Variants in PCDHA13 observed in about 807,000 individuals in gnomAD.
PCDHA13 encodes the protein protocadherin alpha 13.
PCDHA13 carries 54 observed loss-of-function variants against 64.8 expected under a neutral mutation model. The observed-to-expected ratio is 0.83, with a 90% CI of 0.67 to 1.04. PCDHA13 has a LOEUF of 1.04. Ranked by LOEUF, PCDHA13 falls within the 50% of genes least tolerant of loss-of-function variation. PCDHA13 has a pLI of 0.00. For missense variants in PCDHA13, 1,248 were observed against 1,254.3 expected (o/e 0.99, Z 0.08); for synonymous variants, 587 against 564.4 (o/e 1.04, Z -0.57).
In PCDHA13 at chr5:140,923,298, C is replaced by T. The variant is rs1039610789; in HGVS notation, c.2394+38636C>T. ...TACAAAAAATTAAAAATTAGCTGGG[C>T]GTGGGGGCGCTTGGCCTAGAAGTTC... On this transcript the variant is annotated intron_variant, in intron 1 of 3. Transcript: ENST00000289272. Among the ~76,000 whole-genome samples, 28 of 152,160 alleles carry T rather than the reference C, an allele frequency of 1.8e-4. 1 individual carries two copies. The highest frequency in any genetic ancestry group is 4.8e-4 in the African/African-American group (20 of 41,504).
In PCDHA13 at chr5:140,941,217, T is replaced by TTC. The variant is rs1483555953; in HGVS notation, c.2395-37730_2395-37729dup. Among the ~76,000 whole-genome samples, 308 of 126,180 alleles carry TTC rather than the reference T, an allele frequency of 2.4e-3. 1 individual carries two copies. Among genetic ancestry groups the TTC allele is most frequent in the African/African-American group, 9.4e-3 (294 of 31,220 alleles). The allele number at this position is 126,180 out of a possible 152,430, so 82.8% of individuals were successfully genotyped here. On this transcript the variant is annotated intron_variant, in intron 1 of 3. Coordinates refer to ENST00000289272, the MANE Select transcript of PCDHA13 (RefSeq NM_018904.3). ...TTTCTTTCTTCCTTTCTTTCTTCCT[T>TTC]TCTTTCTTTCTTTCTTTCTTTCTTT...
At position 141,011,477 on chromosome 5, in the gene PCDHA13, T is replaced by C. The variant is rs1256394490; in HGVS notation, c.*1540T>C. 2 of 153,818 alleles carry C rather than the reference T, an allele frequency of 1.3e-5. No homozygotes were observed. Among genetic ancestry groups the C allele is most frequent in the Non-Finnish European group, 2.9e-5 (2 of 68,052 alleles). The allele number at this position is 153,818 out of a possible 1,614,324, so 9.5% of individuals were successfully genotyped here. ...TTTATTGTTGAATGTAATTCCATTA[T>C]ATTTCCTTTTGTACACCTGTGAAAA... On this transcript the variant is annotated 3_prime_UTR_variant, in exon 4 of 4. Transcript: ENST00000289272.
chr5:140,887,954 T>A (rs2061642378), intron 1 of PCDHA13, among the ~76,000 whole-genome samples: 1 of 152,240 alleles, frequency 6.6e-6, no homozygotes, highest in South Asian at 2.1e-4. Context: ...TGTATAAGAT[T>A]CTTTTTGTCT....
chr5:140,976,374 A>G (rs1163913998), intron 1 of PCDHA13, among the ~76,000 whole-genome samples: 2 of 152,040 alleles, frequency 1.3e-5, no homozygotes, highest in Non-Finnish European at 2.9e-5. Context: ...AACATGGTGA[A>G]ACCCCATCTC....
chr5:140,966,854 C>T (rs1554228784), intron 1 of PCDHA13: 2 of 1,573,744 alleles, frequency 1.3e-6, no homozygotes, highest in Admixed American at 1.8e-5. Context: ...GCCTCTCCTG[C>T]TGCTGTTGCT....
intron 1 of PCDHA13, among the ~76,000 whole-genome samples, chr5:140,913,649 T>A (rs1284685382): frequency 1.3e-5 from 2 of 152,166 alleles, no homozygotes; most frequent in Non-Finnish European, 2.9e-5. Flanking sequence ...TTTCTAGTTC[T>A]TTAAGATGTA....
Position 140,883,724 on chromosome 5 carries a change from G to T in PCDHA13, c.1456G>T (p.Glu486Ter), listed in dbSNP as rs1174982763. The change falls in exon 1 of 4, where the codon GAG becomes TAG. Residue 486 changes from glutamate to a stop codon, truncating the protein, a stop_gained. Transcript: ENST00000289272. LOFTEE classifies it high-confidence loss of function. ...TVSAQDADAQENALVSYSLVE... is the reference protein window; with the variant it reads ...TVSAQDADAQ The stretch of plus-strand genomic sequence containing the variant: ...GTCTGCTCAGGACGCGGACGCACAG[G>T]AGAACGCGCTGGTCTCCTACTCGCT... 1.2e-6 allele frequency: 2 copies of T among 1,613,492 alleles called. No individual in the cohort carries two copies. Among genetic ancestry groups the T allele is most frequent in the Non-Finnish European group, 1.7e-6 (2 of 1,179,860 alleles).
chr5:140,884,355 T>A lies in PCDHA13; in HGVS notation c.2087T>A (p.Val696Asp), dbSNP rs1562803326. Reference sequence around the variant, plus strand: ...GGTCCAGAAGCGGCGCTGGTGGATGTCAATGTTTACTTGATCATTGCCATC... The same window carrying A: ...GGTCCAGAAGCGGCGCTGGTGGATGACAATGTTTACTTGATCATTGCCATC... ...AVGPEAALVD[V>D]NVYLIIAICA... Residue 696 changes from valine to aspartate, a missense_variant, in exon 1 of 4, where the codon GTC becomes GAC. Physicochemically the swap from Val to Asp is radical, Grantham distance 152. Transcript: ENST00000289272. 3 of 1,613,922 alleles carry A rather than the reference T, an allele frequency of 1.9e-6. No individual in the cohort carries two copies. The highest frequency in any genetic ancestry group is 2.2e-5 in the East Asian group (1 of 44,870).
intron 1 of PCDHA13, chr5:140,928,983 G>T: frequency 6.2e-7 from 1 of 1,613,838 alleles, no homozygotes; most frequent in Non-Finnish European, 8.5e-7. Flanking sequence ...TATTTCTGGG[G>T]TGCTTACTTT....
intron 1 of PCDHA13, among the ~76,000 whole-genome samples, chr5:140,938,387 A>G (rs2092042874): frequency 6.6e-6 from 1 of 152,220 alleles, no homozygotes. Flanking sequence ...AATATTTAAT[A>G]TGAAATACAT....
At chr5:140,934,899 T>G (rs1320708660) in intron 1 of PCDHA13, among the ~76,000 whole-genome samples, 2 of 152,184 alleles carry the variant, frequency 1.3e-5, no homozygotes, top group Non-Finnish European at 2.9e-5. Flanking sequence ...AACCTTTTAT[T>G]TTGGAATAAT....
chr5:140,928,100 T>C (rs1458420006), intron 1 of PCDHA13: 1 of 1,614,090 alleles, frequency 6.2e-7, no homozygotes, highest in African/African-American at 1.3e-5. Context: ...GATGGGCCCC[T>C]GGACCGGGAG....
At chr5:140,966,851 C>T (rs782524148) in intron 1 of PCDHA13, 15 of 1,573,232 alleles carry the variant, frequency 9.5e-6, no homozygotes, top group Middle Eastern at 1.7e-4. Context: ...ACTGCCTCTC[C>T]TGCTGCTGTT....
chr5:140,953,267 C>G (rs902465304), intron 1 of PCDHA13, among the ~76,000 whole-genome samples: 4 of 152,068 alleles, frequency 2.6e-5, no homozygotes, highest in African/African-American at 4.8e-5. Flanking sequence ...TTAGCTTTAG[C>G]CTTTGCTCTT....
chr5:140,973,850 T>G (rs767532771), intron 1 of PCDHA13, among the ~76,000 whole-genome samples: 25 of 152,176 alleles, frequency 1.6e-4, no homozygotes, highest in Admixed American at 5.2e-4. Flanking sequence ...TGCCTACCAA[T>G]TTTTGCTCTC....
At chr5:140,927,524 C>T in intron 1 of PCDHA13, 3 of 1,614,104 alleles carry the variant, frequency 1.9e-6, no homozygotes, top group Non-Finnish European at 2.5e-6. Flanking sequence ...GGCGGGCTAC[C>T]TGCCCGCTCA....
At position 140,884,258 on chromosome 5, in the gene PCDHA13, A is replaced by G. The variant is rs782780491; in HGVS notation, c.1990A>G (p.Thr664Ala). 1 of 1,613,390 alleles carries G rather than the reference A, an allele frequency of 6.2e-7. No individual in the cohort carries two copies. Among genetic ancestry groups the G allele is most frequent in the South Asian group, 1.1e-5 (1 of 91,044 alleles). The change falls in exon 1 of 4, where the codon ACG (threonine) becomes GCG (alanine). Residue 664 changes from threonine (T) to alanine (A), a missense_variant. Coordinates refer to ENST00000289272, the MANE Select transcript of PCDHA13 (RefSeq NM_018904.3). ...HGEPALTATA[T>A]VLLSLVESGQ... ...TGAGCCCGCGCTGACGGCCACGGCA[A>G]CGGTGCTGTTGTCGCTGGTGGAGAG...
chr5:140,961,445 C>T (rs772072156), intron 1 of PCDHA13, among the ~76,000 whole-genome samples: 1 of 152,214 alleles, frequency 6.6e-6, no homozygotes, highest in South Asian at 2.1e-4. Context: ...CCTAACTACA[C>T]TGTCTTGCAG....
Position 141,012,278 on chromosome 5 carries a change from G to T in PCDHA13, c.*2341G>T, listed in dbSNP as rs545417237. ...CTGTAAGGATAAAACACGTCATGTG[G>T]ATTCATTTTGAATTGGTGCTATTGG... On this transcript the variant is annotated 3_prime_UTR_variant, in exon 4 of 4. Coordinates refer to ENST00000289272, the MANE Select transcript of PCDHA13 (RefSeq NM_018904.3). The T allele has an allele frequency of 6.5e-6, 1 of 153,848 alleles. No individual in the cohort carries two copies. The highest frequency in any genetic ancestry group is 2.1e-4 in the South Asian group (1 of 4,826). The allele number at this position is 153,848 out of a possible 1,614,324, so 9.5% of individuals were successfully genotyped here.
Sources: allele counts gnomAD v4.1 joint callset (sites outside exome capture counted in the v4.1 genomes callset), GRCh38; gene constraint gnomAD v4.1.1; transcripts MANE v1.5; gene names NCBI Gene and HGNC (gene_info 2026-07-23, HGNC 2026-07-21).